Variants in FAM168A observed in about 807,000 individuals in gnomAD.
FAM168A encodes the protein family with sequence similarity 168 member A, also known as protein FAM168A.
Under a neutral mutation model 28.5 loss-of-function variants are expected in FAM168A, and 3 were observed. That is an observed-to-expected ratio of 0.11 (90% CI 0.05 to 0.27). The LOEUF is 0.27. FAM168A is among the 10% of genes least tolerant of loss of function. The pLI is 1.00. For missense variants in FAM168A, 222 were observed against 311.5 expected (o/e 0.71, Z 2.16); for synonymous variants, 122 against 124.2 (o/e 0.98, Z 0.12).
intron 1 of FAM168A, among the ~76,000 whole-genome samples, chr11:73,522,679 T>C (rs17310361): frequency 0.11 from 16,255 of 151,112 alleles, 982 homozygotes; most frequent in African/African-American, 0.15. Flanking sequence ...TGTCAGATAC[T>C]TTGCAGTGTC....
chr11:73,553,715 C>T (rs1174397318), intron 1 of FAM168A, among the ~76,000 whole-genome samples: 1 of 152,122 alleles, frequency 6.6e-6, no homozygotes, highest in Non-Finnish European at 1.5e-5. Context: ...GGCGCAGTGG[C>T]TCATGTATGT....
intron 1 of FAM168A, chr11:73,510,894 A>G (rs1048595936): frequency 1.4e-5 from 4 of 276,332 alleles, no homozygotes; most frequent in Non-Finnish European, 2.7e-5. Flanking sequence ...ACCAGATCCA[A>G]TGGAACCTCA....
At chr11:73,535,117 G>A (rs1466314477) in intron 1 of FAM168A, among the ~76,000 whole-genome samples, 1 of 152,068 alleles carries the variant, frequency 6.6e-6, no homozygotes, top group Non-Finnish European at 1.5e-5. Context: ...TCATCACACA[G>A]AGAAGTCCAC....
chr11:73,582,915 A>G (rs534993520), intron 1 of FAM168A, among the ~76,000 whole-genome samples: 68 of 152,328 alleles, frequency 4.5e-4, no homozygotes, highest in Admixed American at 9.2e-4. Flanking sequence ...GGCAAAGAGT[A>G]AAGGAAAGCT....
chr11:73,478,777 C>T (rs565848611), intron 1 of FAM168A, among the ~76,000 whole-genome samples: 3 of 152,218 alleles, frequency 2.0e-5, no homozygotes, highest in Admixed American at 1.3e-4. Context: ...GGTAACAAGG[C>T]ACAATTTCTG....
At chr11:73,499,581 C>T (rs1020795090) in intron 1 of FAM168A, among the ~76,000 whole-genome samples, 4 of 152,016 alleles carry the variant, frequency 2.6e-5, no homozygotes, top group African/African-American at 9.7e-5. Flanking sequence ...CTATGATGAT[C>T]AAAAGGAACA....
chr11:73,458,416 A>G (rs1048987840), intron 2 of FAM168A, among the ~76,000 whole-genome samples: 6 of 152,222 alleles, frequency 3.9e-5, no homozygotes, highest in African/African-American at 1.4e-4. Context: ...TTTAATGTGC[A>G]TGATTCTTGC....
chr11:73,503,129 T>C (rs753005606), intron 1 of FAM168A, among the ~76,000 whole-genome samples: 3 of 152,096 alleles, frequency 2.0e-5, no homozygotes, highest in Non-Finnish European at 2.9e-5. Flanking sequence ...CTATTCAACA[T>C]AGTATTGGAA....
chr11:73,492,417 C>A (rs1035201223), intron 1 of FAM168A, among the ~76,000 whole-genome samples: 1 of 152,120 alleles, frequency 6.6e-6, no homozygotes, highest in African/African-American at 2.4e-5. Flanking sequence ...GAGGCTGAGG[C>A]AGTGGATCCC....
At chr11:73,511,720 A>G (rs1367175272) in intron 1 of FAM168A, among the ~76,000 whole-genome samples, 2 of 152,156 alleles carry the variant, frequency 1.3e-5, no homozygotes, top group Non-Finnish European at 2.9e-5. Flanking sequence ...ACTATTTAAT[A>G]TCTAGATGAT....
rs2134466645 is a variant in FAM168A, at chr11:73,401,619, C to G, written c.*5144G>C. On this transcript the variant is annotated 3_prime_UTR_variant, in exon 8 of 8. Transcript: ENST00000356467. ...TGTTCTCCTTAGGAAGGAAAATCCC[C>G]CTGCTATCAGTGGCTGGAATGGGTA... 6.6e-6 allele frequency: 1 copy of G among 152,338 alleles called. No individual in the cohort carries two copies. Among genetic ancestry groups the G allele is most frequent in the African/African-American group, 2.4e-5 (1 of 41,558 alleles). The allele number at this position is 152,338 out of a possible 1,614,324, so 9.4% of individuals were successfully genotyped here. A position where few individuals can be genotyped will look rare whatever the true frequency, so the allele number is the denominator to read the frequency against.
At chr11:73,540,694 G>C (rs1175836505) in intron 1 of FAM168A, among the ~76,000 whole-genome samples, 2 of 152,136 alleles carry the variant, frequency 1.3e-5, no homozygotes, top group Non-Finnish European at 2.9e-5. Context: ...GGCTTTTCTT[G>C]ATCATCATCC....
intron 1 of FAM168A, among the ~76,000 whole-genome samples, chr11:73,497,098 T>G (rs1854906072): frequency 6.6e-6 from 1 of 152,086 alleles, no homozygotes; most frequent in African/African-American, 2.4e-5. Context: ...TCCCATCCCT[T>G]TTTATCTTTC....
chr11:73,489,038 G>T (rs2134605480), intron 1 of FAM168A, among the ~76,000 whole-genome samples: 1 of 152,056 alleles, frequency 6.6e-6, no homozygotes, highest in African/African-American at 2.4e-5. Context: ...GTAAGTGTAT[G>T]CCCGTCTAAT....
At chr11:73,487,657 C>T (rs1868070686) in intron 1 of FAM168A, among the ~76,000 whole-genome samples, 2 of 152,216 alleles carry the variant, frequency 1.3e-5, no homozygotes, top group South Asian at 4.2e-4. Context: ...GACATTTCCA[C>T]CCAACCTCAG....
At chr11:73,466,505 TAATA>T (rs1388696720) in intron 2 of FAM168A, among the ~76,000 whole-genome samples, 2 of 152,270 alleles carry the variant, frequency 1.3e-5, no homozygotes, top group Admixed American at 6.5e-5. Context: ...AAATTATAAT[TAATA>T]TATAGTACCT....
intron 2 of FAM168A, among the ~76,000 whole-genome samples, chr11:73,454,252 TAA>T (rs1867486247): frequency 6.6e-6 from 1 of 152,172 alleles, no homozygotes; most frequent in Non-Finnish European, 1.5e-5. Flanking sequence ...TGATTTATAA[TAA>T]AAGAGATCTA....
At position 73,420,374 on chromosome 11, in the gene FAM168A, C is replaced by T. The variant is rs996389149; in HGVS notation, c.152-375G>A. Among the ~76,000 whole-genome samples the T allele has an allele frequency of 3.9e-5, 6 of 152,310 alleles. No homozygotes were observed. The East Asian group carries it at 1.2e-3, about 29-fold the overall frequency. ...ACAACTTGGGAGCCTTTGTGTGTCACCAGATCAACTGAGCACTCTTTGTTG... is the reference window on the plus strand; with the variant it reads ...ACAACTTGGGAGCCTTTGTGTGTCATCAGATCAACTGAGCACTCTTTGTTG... On this transcript the variant is annotated intron_variant, in intron 3 of 7. Transcript: ENST00000356467.
At chr11:73,470,364 C>T (rs755425786) in intron 1 of FAM168A, among the ~76,000 whole-genome samples, 4 of 152,154 alleles carry the variant, frequency 2.6e-5, no homozygotes, top group African/African-American at 4.8e-5. Context: ...CAGTTCTCTG[C>T]GTGGTACATC....
Sources: allele counts gnomAD v4.1 joint callset (sites outside exome capture counted in the v4.1 genomes callset), GRCh38; gene constraint gnomAD v4.1.1; transcripts MANE v1.5; gene names NCBI Gene and HGNC (gene_info 2026-07-23, HGNC 2026-07-21).